The following GRXCR2 variants were observed in gnomAD, a reference collection of about 807,000 sequenced individuals.
GRXCR2 encodes the protein glutaredoxin and cysteine rich domain containing 2, also known as glutaredoxin domain-containing cysteine-rich protein 2.
Under a neutral mutation model 24.8 loss-of-function variants are expected in GRXCR2, and 23 were observed. The ratio of observed to expected loss-of-function variants is 0.93; its 90% CI spans 0.67 to 1.32. The LOEUF (loss-of-function observed/expected upper bound fraction) is 1.32. Among genes scored for constraint, GRXCR2 ranks in the 40% most tolerant of loss-of-function variants. The probability of loss-of-function intolerance (pLI) is 0.00; values close to 1 mark genes in which losing one functional copy is unlikely to be tolerated. For missense variants in GRXCR2, 315 were observed against 303.4 expected (o/e 1.04, Z -0.28); for synonymous variants, 130 against 116.1 (o/e 1.12, Z -0.77).
In GRXCR2 at chr5:145,879,586, C is replaced by T. The variant is rs946063529; in HGVS notation, c.-69-12858G>A. On this transcript the variant is annotated intron_variant, in intron 2 of 3. Transcript: ENST00000639411. ...AGAGACGGACAAAGAGACTTAGATTCCCACACAATAATAATGGGAGATTTT... is the reference window on the plus strand; with the variant it reads ...AGAGACGGACAAAGAGACTTAGATTTCCACACAATAATAATGGGAGATTTT... Among the ~76,000 whole-genome samples, 6 of 152,234 alleles carry T rather than the reference C, an allele frequency of 3.9e-5. No homozygotes were observed. In the East Asian group the frequency reaches 9.6e-4, roughly 24 times the overall value.
At chr5:145,886,953 T>A (rs916404229) in intron 2 of GRXCR2, among the ~76,000 whole-genome samples, 18 of 152,226 alleles carry the variant, frequency 1.2e-4, no homozygotes, top group Non-Finnish European at 2.1e-4. Flanking sequence ...GTTAGAAGTA[T>A]TTGATCTCTA....
chr5:145,859,957 A>C, intron 2 of GRXCR2, 42 bp from the exon 3 acceptor site: 1 of 1,494,472 alleles, frequency 6.7e-7, no homozygotes. Context: ...CAGCAGTTCA[A>C]GTCCGTTGTT....
rs191079539 is a variant in GRXCR2 at position 145,866,402 on chromosome 5, A to C, written c.564+99T>G. 134 of 736,368 alleles carry C rather than the reference A, an allele frequency of 1.8e-4. No individual in the cohort carries two copies. The East Asian group carries it at 3.1e-3, about 17-fold the overall frequency. The allele number at this position is 736,368 out of a possible 1,614,324, so 45.6% of individuals were successfully genotyped here. ...AAGTTTAGGTATCTTAAGTATTCAT[A>C]TTCAAAAGGTTTTACTTAAGCAGTG... On this transcript the variant is annotated intron_variant, in intron 2 of 2. Coordinates refer to ENST00000377976, the MANE Select transcript of GRXCR2 (RefSeq NM_001080516.2).
chr5:145,898,053 TGATA>T (rs754085572), intron 2 of GRXCR2, among the ~76,000 whole-genome samples: 11 of 151,956 alleles, frequency 7.2e-5, no homozygotes, highest in Admixed American at 1.3e-4. Flanking sequence ...TAAACAAGAC[TGATA>T]GACACTACTA....
chr5:145,901,640 A>T (rs1189748699), intron 2 of GRXCR2, among the ~76,000 whole-genome samples: 1 of 152,174 alleles, frequency 6.6e-6, no homozygotes, highest in Non-Finnish European at 1.5e-5. Context: ...GTAAATTGCA[A>T]CTAAAAATGA....
intron 2 of GRXCR2, among the ~76,000 whole-genome samples, chr5:145,917,984 T>C (rs1296063491): frequency 1.3e-5 from 2 of 152,156 alleles, no homozygotes; most frequent in Non-Finnish European, 2.9e-5. Context: ...TTCACCATGT[T>C]GGCCAGGATG....
At chr5:145,891,994 G>A (rs1402355615) in intron 2 of GRXCR2, among the ~76,000 whole-genome samples, 2 of 152,140 alleles carry the variant, frequency 1.3e-5, no homozygotes, top group African/African-American at 4.8e-5. Context: ...CTGTTCTGCA[G>A]CCTCCACTGC....
At chr5:145,879,355 C>A (rs1162664733) in intron 2 of GRXCR2, among the ~76,000 whole-genome samples, 8 of 129,012 alleles carry the variant, frequency 6.2e-5, no homozygotes, top group East Asian at 2.1e-4. Flanking sequence ...GAAGATCTAC[C>A]AAGCAAATGC....
upstream of GRXCR2, among the ~76,000 whole-genome samples, chr5:145,874,116 A>G (rs1335001850): frequency 6.6e-6 from 1 of 152,186 alleles, no homozygotes; most frequent in East Asian, 1.9e-4. Context: ...TGTCTTTGCT[A>G]CCAGCATCAC....
intron 2 of GRXCR2, among the ~76,000 whole-genome samples, chr5:145,903,529 C>CA (rs33972911): frequency 3.7e-4 from 54 of 147,434 alleles, no homozygotes; most frequent in East Asian, 1.8e-3. Flanking sequence ...GATTCAGAGT[C>CA]AAAAAAAAAA....
chr5:145,928,057 A>G (rs766677971), intron 2 of GRXCR2, among the ~76,000 whole-genome samples: 2,677 of 152,078 alleles, frequency 0.018, 39 homozygotes, highest in Non-Finnish European at 0.027. Context: ...AATTTACAAG[A>G]AAAAAACAAA....
intron 2 of GRXCR2, among the ~76,000 whole-genome samples, chr5:145,863,024 A>G (rs185402104): frequency 3.8e-4 from 58 of 152,346 alleles, no homozygotes; most frequent in Admixed American, 1.3e-3. Flanking sequence ...AGAAGCCCAG[A>G]TGATTTATGG....
chr5:145,883,506 G>A (rs560219737), intron 2 of GRXCR2, among the ~76,000 whole-genome samples: 145 of 152,172 alleles, frequency 9.5e-4, no homozygotes, highest in African/African-American at 3.3e-3. Flanking sequence ...ATTTTAATGC[G>A]AAAAGAAATG....
chr5:145,908,286 T>G (rs548099270), intron 2 of GRXCR2, among the ~76,000 whole-genome samples: 1 of 152,120 alleles, frequency 6.6e-6, no homozygotes, highest in South Asian at 2.1e-4. Context: ...GGAATGACCA[T>G]GTACAAGAAA....
Position 145,926,978 on chromosome 5 carries a change from C to T in GRXCR2, c.-70+8723G>A, listed in dbSNP as rs530458670. Among the ~76,000 whole-genome samples, 11 of 152,174 alleles carry T rather than the reference C, an allele frequency of 7.2e-5. No individual in the cohort carries two copies. The South Asian group carries it at 1.5e-3, about 20-fold the overall frequency. On this transcript the variant is annotated intron_variant, in intron 2 of 3. Coordinates refer to the GRXCR2 transcript ENST00000639411. ...AAGTTGGATTCCTAGGTATTTTATT[C>T]TCTTTGAAGCAATTGTGAGTGGGAG... is the stretch of plus-strand genomic sequence containing the variant.
chr5:145,898,230 T>G (rs985978065), intron 2 of GRXCR2, among the ~76,000 whole-genome samples: 7 of 151,694 alleles, frequency 4.6e-5, no homozygotes, highest in African/African-American at 1.7e-4. Flanking sequence ...AAGGGATAAA[T>G]TCCTGGAAAC....
intron 2 of GRXCR2, among the ~76,000 whole-genome samples, chr5:145,899,510 A>G (rs764827170): frequency 8.5e-5 from 13 of 152,164 alleles, no homozygotes; most frequent in Admixed American, 6.5e-4. Context: ...TTCAAACTAT[A>G]CTATAAGGCT....
At chr5:145,874,257 G>C (rs1437947768), upstream of GRXCR2, among the ~76,000 whole-genome samples, 6 of 150,576 alleles carry the variant, frequency 4.0e-5, no homozygotes, top group Non-Finnish European at 7.4e-5. Flanking sequence ...AGGCTGGAGT[G>C]CAGTGGTACG....
At chr5:145,891,676 C>T (rs900133801) in intron 2 of GRXCR2, among the ~76,000 whole-genome samples, 3 of 152,190 alleles carry the variant, frequency 2.0e-5, no homozygotes, top group Non-Finnish European at 4.4e-5. Flanking sequence ...TCAAGGAGGC[C>T]TGCCTGCCTC....
Sources: allele counts gnomAD v4.1 joint callset (sites outside exome capture counted in the v4.1 genomes callset), GRCh38; gene constraint gnomAD v4.1.1; transcripts MANE v1.5; gene names NCBI Gene and HGNC (gene_info 2026-07-23, HGNC 2026-07-21).